CDH20: variants seen among roughly 807,000 people sequenced by gnomAD.
CDH20 encodes cadherin-20.
Under a neutral mutation model 74.2 loss-of-function variants are expected in CDH20, and 29 were observed. The ratio of observed to expected loss-of-function variants is 0.39; its 90% CI spans 0.29 to 0.53. CDH20 has a LOEUF of 0.53. CDH20 is among the 20% of genes least tolerant of loss of function. The pLI is 0.69. For synonymous variants in CDH20, 469 were observed against 405.4 expected (o/e 1.16, Z -1.88); for missense variants, 988 against 1,048.3 (o/e 0.94, Z 0.79).
At chr18:61,519,946 A>G (rs1207991461) in intron 6 of CDH20, among the ~76,000 whole-genome samples, 1 of 26,024 alleles carries the variant, frequency 3.8e-5, no homozygotes, top group African/African-American at 1.8e-4. Flanking sequence ...GCAAATGGAA[A>G]GCAAAAAAAA....
chr18:61,427,313 C>T (rs932408643), intron 1 of CDH20, among the ~76,000 whole-genome samples: 2 of 152,044 alleles, frequency 1.3e-5, no homozygotes, highest in Non-Finnish European at 2.9e-5. Context: ...CAGTGAAGTA[C>T]GTACTAACAT....
chr18:61,339,448 C>G (rs1909865074), intron 1 of CDH20, among the ~76,000 whole-genome samples: 1 of 151,482 alleles, frequency 6.6e-6, no homozygotes, highest in South Asian at 2.1e-4. Context: ...CAAATAATGA[C>G]CATTGTACCC....
chr18:61,536,618 C>G lies in CDH20; in HGVS notation c.1397C>G (p.Ala466Gly). The change falls in exon 8 of 12, where the codon GCT becomes GGT. Residue 466 changes from alanine to glycine, a missense_variant. This residue lies in a region of CDH20 where 613 missense variants were observed against 755.2 expected (regional missense o/e 0.81). Transcript: ENST00000262717. Reference sequence around the variant, plus strand: ...TCTTGGCATAATATCACTGTCCTTGCTATGGAAATGAGTAAGTAGCACAGT... The same window carrying G: ...TCTTGGCATAATATCACTGTCCTTGGTATGGAAATGAGTAAGTAGCACAGT... Reference protein sequence around the residue: ...EFSWHNITVLAMEMNNPSQVG... With the variant: ...EFSWHNITVLGMEMNNPSQVG... The G allele has an allele frequency of 6.2e-7, 1 of 1,613,692 alleles. No individual in the cohort carries two copies. The highest frequency in any genetic ancestry group is 1.7e-5 in the Admixed American group (1 of 60,000).
At chr18:61,388,940 A>G (rs1911684810) in intron 1 of CDH20, among the ~76,000 whole-genome samples, 1 of 152,198 alleles carries the variant, frequency 6.6e-6, no homozygotes, top group East Asian at 1.9e-4. Context: ...TCACAGGACG[A>G]TTAAAATCAC....
At chr18:61,526,993 C>A (rs1172300331) in intron 6 of CDH20, among the ~76,000 whole-genome samples, 1 of 152,054 alleles carries the variant, frequency 6.6e-6, no homozygotes, top group Non-Finnish European at 1.5e-5. Context: ...CCAGCCTGAC[C>A]AACATGGTGA....
At chr18:61,418,234 C>G (rs1912756341) in intron 1 of CDH20, among the ~76,000 whole-genome samples, 1 of 152,062 alleles carries the variant, frequency 6.6e-6, no homozygotes, top group African/African-American at 2.4e-5. Flanking sequence ...AATAGGCAAC[C>G]AATTCCATTT....
At chr18:61,468,602 T>C (rs1910051505) in intron 1 of CDH20, among the ~76,000 whole-genome samples, 1 of 152,196 alleles carries the variant, frequency 6.6e-6, no homozygotes, top group South Asian at 2.1e-4. Context: ...ACTAAGTGTC[T>C]TCCAATTTCA....
At chr18:61,409,862 C>T (rs1230595601) in intron 1 of CDH20, among the ~76,000 whole-genome samples, 2 of 152,050 alleles carry the variant, frequency 1.3e-5, no homozygotes, top group Non-Finnish European at 2.9e-5. Context: ...TTGAATTAGG[C>T]AAAACACCAA....
intron 1 of CDH20, among the ~76,000 whole-genome samples, chr18:61,375,830 C>T (rs1487463444): frequency 6.6e-6 from 1 of 152,068 alleles, no homozygotes; most frequent in Non-Finnish European, 1.5e-5. Flanking sequence ...TTCACTACTA[C>T]TGTCTTTAAT....
chr18:61,500,962 A>G (rs1911361504), intron 4 of CDH20, among the ~76,000 whole-genome samples: 1 of 152,236 alleles, frequency 6.6e-6, no homozygotes, highest in Non-Finnish European at 1.5e-5. Flanking sequence ...TGGGAAATTG[A>G]GAGCTACTAA....
chr18:61,377,511 A>G (rs756883951), intron 1 of CDH20, among the ~76,000 whole-genome samples: 7 of 151,940 alleles, frequency 4.6e-5, no homozygotes, highest in Non-Finnish European at 8.8e-5. Context: ...GTCCACCGAG[A>G]GCCCAATCCA....
intron 1 of CDH20, among the ~76,000 whole-genome samples, chr18:61,429,103 T>C (rs1372873905): frequency 6.6e-6 from 1 of 152,190 alleles, no homozygotes; most frequent in Non-Finnish European, 1.5e-5. Context: ...ATCGAATTTC[T>C]GAGAGGTGTG....
In CDH20 at chr18:61,545,104, GGCT is replaced by G. The variant is rs1489074534; in HGVS notation, c.1612_1614del (p.Ala538del). 1.1e-5 allele frequency: 18 copies of G among 1,613,684 alleles called. No individual in the cohort carries two copies. The highest frequency in any genetic ancestry group is 1.4e-5 in the Non-Finnish European group (17 of 1,179,824). On this transcript the variant is annotated inframe_deletion, in exon 10 of 12. Coordinates refer to ENST00000262717, the MANE Select transcript of CDH20 (RefSeq NM_031891.4). ...ATTTCTACTACAGCTTGGCTCCTGAGGCTGCTAACAACCCCAACTTTACCATAA... is the reference window on the plus strand; with the variant it reads ...ATTTCTACTACAGCTTGGCTCCTGAGGCTAACAACCCCAACTTTACCATAA...
intron 11 of CDH20, among the ~76,000 whole-genome samples, 174 bp downstream of exon 11, chr18:61,550,403 C>T (rs910488655): frequency 6.6e-6 from 1 of 152,230 alleles, no homozygotes; most frequent in Admixed American, 6.5e-5. Flanking sequence ...ACAGTCCCTT[C>T]TTCGAGGTGT....
intron 1 of CDH20, among the ~76,000 whole-genome samples, chr18:61,441,354 C>T (rs1269753387): frequency 6.6e-6 from 1 of 152,024 alleles, no homozygotes; most frequent in Non-Finnish European, 1.5e-5. Context: ...TTTTTAAATT[C>T]CCTCCCTATA....
In CDH20 at chr18:61,554,370, C is replaced by A. The variant is rs775781024; in HGVS notation, c.2081C>A (p.Ala694Asp). The change falls in exon 12 of 12, where the codon GCC (alanine) becomes GAC (aspartate). Residue 694 changes from alanine (A) to aspartate (D), a missense_variant. Physicochemically the swap from Ala to Asp is moderately radical, Grantham distance 126. This residue lies in a region of CDH20 where 375 missense variants were observed against 293.1 expected (regional missense o/e 1.28). Coordinates refer to ENST00000262717, the MANE Select transcript of CDH20 (RefSeq NM_031891.4). ...WNPREAQAGA[A>D]PKTRQDMLPE... ...CCCCGGGAGGCGCAGGCGGGGGCCG[C>A]CCCCAAGACGCGGCAGGACATGCTG... The A allele has an allele frequency of 6.2e-7, 1 of 1,612,934 alleles. No individual in the cohort carries two copies. The highest frequency in any genetic ancestry group is 8.5e-7 in the Non-Finnish European group (1 of 1,179,698).
At chr18:61,462,734 G>GGGC (rs1555678433) in intron 1 of CDH20, among the ~76,000 whole-genome samples, 4 of 138,582 alleles carry the variant, frequency 2.9e-5, no homozygotes, top group African/African-American at 1.1e-4. Context: ...AGGGGGGGGG[G>GGGC]GCATCTAGGG....
At chr18:61,443,453 C>T (rs2144322574) in intron 1 of CDH20, among the ~76,000 whole-genome samples, 1 of 152,204 alleles carries the variant, frequency 6.6e-6, no homozygotes, top group Non-Finnish European at 1.5e-5. Context: ...CAAGTGTTGA[C>T]AACGGTATGC....
At chr18:61,524,580 T>C (rs1162151804) in intron 6 of CDH20, among the ~76,000 whole-genome samples, 1 of 152,192 alleles carries the variant, frequency 6.6e-6, no homozygotes, top group Non-Finnish European at 1.5e-5. Flanking sequence ...ATAAATCAAC[T>C]GTTGTGCATC....
Sources: allele counts gnomAD v4.1 joint callset (sites outside exome capture counted in the v4.1 genomes callset), GRCh38; gene constraint gnomAD v4.1.1; regional missense constraint gnomAD v4.1.1; transcripts MANE v1.5; gene names NCBI Gene and HGNC (gene_info 2026-07-23, HGNC 2026-07-21).